FAM120C: variants seen among roughly 807,000 people sequenced by gnomAD.
FAM120C encodes the protein family with sequence similarity 120 member C.
FAM120C carries 14 observed loss-of-function variants against 71.2 expected under a neutral mutation model. The observed-to-expected ratio is 0.20, with a 90% CI of 0.13 to 0.31. The LOEUF (loss-of-function observed/expected upper bound fraction) is 0.31. Ranked by LOEUF, FAM120C falls within the 10% of genes least tolerant of loss-of-function variation. The pLI is 1.00. For missense variants in FAM120C, 500 were observed against 879.0 expected, an observed-to-expected ratio of 0.57 and a Z score of 5.45; for synonymous variants, 354 against 353.2, an observed-to-expected ratio of 1.00 and a Z score of -0.03.
At chrX:54,098,773 G>A (rs1022046659) in intron 10 of FAM120C, among the ~76,000 whole-genome samples, 5 of 109,962 alleles carry the variant, frequency 4.5e-5, no homozygotes, top group Admixed American at 3.9e-4. Flanking sequence ...ACAGGCACGC[G>A]CCATGCCCGG....
intron 15 of FAM120C, among the ~76,000 whole-genome samples, chrX:54,073,880 G>A (rs1557120337): frequency 9.0e-6 from 1 of 110,835 alleles, no homozygotes; most frequent in Non-Finnish European, 1.9e-5. Context: ...GAGTGGAGTG[G>A]AGTGCTGCGA....
intron 4 of FAM120C, among the ~76,000 whole-genome samples, chrX:54,142,306 CG>C (rs1557131770): frequency 1.8e-5 from 2 of 112,032 alleles, no homozygotes. Flanking sequence ...CGCAAGGGGT[CG>C]GGGAATTCCC....
chrX:54,103,043 T>G (rs2066890064), intron 10 of FAM120C, among the ~76,000 whole-genome samples: 1 of 111,506 alleles, frequency 9.0e-6, no homozygotes, highest in Non-Finnish European at 1.9e-5. Context: ...ATTTTAGCAT[T>G]AGTTTGTTAA....
At position 54,076,823 on chromosome X, in the gene FAM120C, G is replaced by A. The variant is rs868993214; in HGVS notation, c.3036+3409C>T. Among the ~76,000 whole-genome samples the A allele has an allele frequency of 5.0e-4, 56 of 112,247 alleles. No homozygotes were observed. The Middle Eastern group carries it at 0.014, about 28-fold the overall frequency. On this transcript the variant is annotated intron_variant, in intron 15 of 15. Transcript: ENST00000375180. ...AATGCTCACTAAGCCTGGGCACAGT[G>A]GCTCATCCCTGTAATCCCAGCACTT...
At chrX:54,165,213 T>C (rs1569533728) in intron 1 of FAM120C, among the ~76,000 whole-genome samples, 1 of 111,404 alleles carries the variant, frequency 9.0e-6, no homozygotes, top group Non-Finnish European at 1.9e-5. Flanking sequence ...CTTTCTATGA[T>C]TGTCCCGAAA....
intron 1 of FAM120C, among the ~76,000 whole-genome samples, chrX:54,176,439 A>G (rs2067318686): frequency 9.2e-6 from 1 of 109,127 alleles, no homozygotes; most frequent in Admixed American, 9.9e-5. Context: ...TCTCAAAAAA[A>G]AAAAAAAAAA....
At chrX:54,131,941 ATGGGGTTTCAC>A (rs2067069789) in intron 9 of FAM120C, among the ~76,000 whole-genome samples, 1 of 105,636 alleles carries the variant, frequency 9.5e-6, no homozygotes, top group Non-Finnish European at 1.9e-5. Context: ...TTTAGTAGAG[ATGGGGTTTCAC>A]TGGGTTAGCC....
In FAM120C at chrX:54,182,944, A is replaced by T; in HGVS notation, c.255T>A (p.His85Gln). 8.6e-7 allele frequency: 1 copy of T among 1,160,744 alleles called. No individual in the cohort carries two copies. The change falls in exon 1 of 16, where the codon CAT becomes CAA. Residue 85 changes from histidine to glutamine, a missense_variant. His to Gln is a conservative substitution (Grantham distance 24, BLOSUM62 0). Coordinates refer to ENST00000375180, the MANE Select transcript of FAM120C (RefSeq NM_017848.6). The stretch of plus-strand genomic sequence containing the variant: ...GATGGTGGAAGTGGTGAGCGGGGTG[A>T]TGGTGCCGAGTCGGCCCCGCGCCCC... ...YSGGAGPTRH[H>Q]HPAHHFHHHG...
intron 9 of FAM120C, among the ~76,000 whole-genome samples, chrX:54,124,649 T>A (rs1490272598): frequency 9.6e-6 from 1 of 103,787 alleles, no homozygotes; most frequent in Non-Finnish European, 2.0e-5. Context: ...ACCCGGTACC[T>A]CAGATGGAAA....
chrX:54,131,685 G>A (rs1438446981), intron 9 of FAM120C, among the ~76,000 whole-genome samples: 2 of 111,326 alleles, frequency 1.8e-5, no homozygotes, highest in East Asian at 2.8e-4. Flanking sequence ...TGATCCGCCC[G>A]CCTTGGCCTC....
Position 54,091,420 on chromosome X carries a change from C to G in FAM120C, c.2319G>C (p.Met773Ile), listed in dbSNP as rs782296157. The G allele has an allele frequency of 9.2e-6, 11 of 1,193,849 alleles. No individual in the cohort carries two copies. Among genetic ancestry groups the G allele is most frequent in the Non-Finnish European group, 1.2e-5 (11 of 881,585 alleles). Residue 773 changes from methionine to isoleucine, a missense_variant, in exon 11 of 16, where the codon ATG becomes ATC. By Grantham distance (10) the Met-to-Ile change is conservative (BLOSUM62 1). Coordinates refer to ENST00000375180, the MANE Select transcript of FAM120C (RefSeq NM_017848.6). ...LLLMCCVLRY[M>I]VQWPGGRILH... ...GGATTCGGCCACCAGGCCACTGAAC[C>G]ATGTACCTAGAAAATAAAAGCACTG...
rs782727798 is a variant in FAM120C at position 54,069,622 on chromosome X, C to T, written c.*3411G>A. 1 of 110,712 alleles carries T rather than the reference C, an allele frequency of 9.0e-6. No individual in the cohort carries two copies. Among genetic ancestry groups the T allele is most frequent in the East Asian group, 2.8e-4 (1 of 3,522 alleles). 9.1% of individuals were successfully genotyped at this position (110,712 alleles called of 1,213,427 possible). On this transcript the variant is annotated 3_prime_UTR_variant, in exon 16 of 16. Coordinates refer to ENST00000375180, the MANE Select transcript of FAM120C (RefSeq NM_017848.6). ...TAACCACCCTCTGTAATGCCTTGTT[C>T]GACTGTTTTTCTCAGTGATCAAAAA... is the stretch of plus-strand genomic sequence containing the variant.
chrX:54,148,118 T>G (rs2067166542), intron 4 of FAM120C, among the ~76,000 whole-genome samples: 1 of 111,574 alleles, frequency 9.0e-6, no homozygotes, highest in South Asian at 3.7e-4. Context: ...AGATAAAAAC[T>G]AATGAAAAAT....
chrX:54,080,102 A>G (rs998985975), intron 15 of FAM120C, 130 bp downstream of exon 15: 6 of 525,697 alleles, frequency 1.1e-5, no homozygotes, highest in Non-Finnish European at 1.9e-5. Context: ...AATGAAATCA[A>G]ATGCCTGGAG....
intron 9 of FAM120C, among the ~76,000 whole-genome samples, chrX:54,132,421 G>A (rs976075381): frequency 1.2e-4 from 13 of 110,787 alleles, no homozygotes; most frequent in African/African-American, 4.3e-4. Flanking sequence ...TAAGTGATCC[G>A]CCTGCCTTGG....
intron 1 of FAM120C, among the ~76,000 whole-genome samples, chrX:54,164,056 C>T (rs1423426410): frequency 9.1e-6 from 1 of 109,979 alleles, no homozygotes; most frequent in South Asian, 3.9e-4. Flanking sequence ...CCTTAGCCCC[C>T]CTAGTAGCTG....
At chrX:54,129,308 C>T (rs1430228708) in intron 9 of FAM120C, among the ~76,000 whole-genome samples, 3 of 103,535 alleles carry the variant, frequency 2.9e-5, no homozygotes, top group African/African-American at 3.6e-5. Flanking sequence ...CTCAGACGGG[C>T]GGCCGGGCAG....
chrX:54,139,908 C>G (rs1557131338), intron 4 of FAM120C, among the ~76,000 whole-genome samples: 1 of 111,188 alleles, frequency 9.0e-6, no homozygotes, highest in Non-Finnish European at 1.9e-5. Flanking sequence ...TACATAAACA[C>G]AAGAGTTGAG....
intron 3 of FAM120C, among the ~76,000 whole-genome samples, chrX:54,151,929 G>A (rs1392511723): frequency 9.0e-6 from 1 of 111,124 alleles, no homozygotes; most frequent in African/African-American, 3.3e-5. Context: ...AACCCAGAAA[G>A]TGTGGCAAAA....
Sources: gnomAD v4.1 joint callset for allele counts (sites outside exome capture counted in the v4.1 genomes callset) on GRCh38, gnomAD v4.1.1 for gene constraint, MANE v1.5 for transcripts, NCBI Gene and HGNC (gene_info 2026-07-23, HGNC 2026-07-21) for gene names.